CDK14: variants seen among roughly 807,000 people sequenced by gnomAD.
CDK14 encodes the protein cyclin dependent kinase 14, also known as cyclin-dependent kinase 14.
CDK14 carries 34 observed loss-of-function variants against 60.7 expected under a neutral mutation model. The ratio of observed to expected loss-of-function variants is 0.56; its 90% CI spans 0.43 to 0.75. The LOEUF is 0.75. CDK14 is among the 30% of genes least tolerant of loss of function. The probability of loss-of-function intolerance (pLI) is 0.00; values close to 1 mark genes in which losing one functional copy is unlikely to be tolerated. For synonymous variants in CDK14, 197 were observed against 203.7 expected (o/e 0.97, Z 0.28); for missense variants, 482 against 564.1 (o/e 0.85, Z 1.47).
chr7:90,730,187 A>G (rs1240092047), intron 3 of CDK14, among the ~76,000 whole-genome samples: 5 of 152,100 alleles, frequency 3.3e-5, no homozygotes, highest in African/African-American at 1.2e-4. Context: ...ACATGAACTC[A>G]TCCTTTTTTA....
At chr7:91,060,228 CT>C (rs373760085) in intron 11 of CDK14, among the ~76,000 whole-genome samples, 194 of 141,852 alleles carry the variant, frequency 1.4e-3, no homozygotes, top group South Asian at 4.5e-3. Context: ...CAACCCCTGC[CT>C]TTTTTTTTTT....
At chr7:90,733,941 T>A (rs754214152) in intron 3 of CDK14, among the ~76,000 whole-genome samples, 1 of 152,240 alleles carries the variant, frequency 6.6e-6, no homozygotes, top group African/African-American at 2.4e-5. Flanking sequence ...TTACTGTGGC[T>A]GGTACTGGTT....
At chr7:90,793,275 C>A (rs1805907958) in intron 5 of CDK14, among the ~76,000 whole-genome samples, 1 of 152,136 alleles carries the variant, frequency 6.6e-6, no homozygotes, top group African/African-American at 2.4e-5. Context: ...ACCTGCCTTG[C>A]AGGTGGGAGG....
At chr7:91,157,547 G>A (rs1248234379) in intron 14 of CDK14, among the ~76,000 whole-genome samples, 2 of 152,182 alleles carry the variant, frequency 1.3e-5, no homozygotes, top group African/African-American at 2.4e-5. Context: ...TTGTAGCATG[G>A]CCATTAGGAG....
At chr7:90,649,360 C>T (rs1260895567) in intron 2 of CDK14, among the ~76,000 whole-genome samples, 3 of 36,906 alleles carry the variant, frequency 8.1e-5, no homozygotes, top group African/African-American at 5.2e-4. Flanking sequence ...TTCCTTCCTT[C>T]CTTCCTTTCC....
At chr7:90,859,720 GAATAACACA>G (rs1790942641) in intron 5 of CDK14, among the ~76,000 whole-genome samples, 1 of 151,886 alleles carries the variant, frequency 6.6e-6, no homozygotes, top group Non-Finnish European at 1.5e-5. Flanking sequence ...AATGAACTTG[GAATAACACA>G]TCATTACCCA....
At chr7:90,668,362 A>G (rs1584781430) in intron 2 of CDK14, among the ~76,000 whole-genome samples, 1 of 152,030 alleles carries the variant, frequency 6.6e-6, no homozygotes, top group Non-Finnish European at 1.5e-5. Flanking sequence ...TAAGTAGGTT[A>G]TTTGTCTTTT....
At chr7:90,606,264 C>T (rs905616213) in intron 2 of CDK14, among the ~76,000 whole-genome samples, 20 of 152,090 alleles carry the variant, frequency 1.3e-4, no homozygotes, top group Non-Finnish European at 2.2e-4. Context: ...GAAGGCATGC[C>T]GGGGTATAAT....
chr7:91,068,767 AG>A (rs1214869683), intron 11 of CDK14, among the ~76,000 whole-genome samples: 1 of 133,928 alleles, frequency 7.5e-6, no homozygotes, highest in Non-Finnish European at 1.6e-5. Flanking sequence ...TGCCTTCTGT[AG>A]TGTACTTTCC....
intron 11 of CDK14, among the ~76,000 whole-genome samples, chr7:91,064,702 G>T (rs1290296072): frequency 6.6e-6 from 1 of 152,126 alleles, no homozygotes; most frequent in Non-Finnish European, 1.5e-5. Flanking sequence ...TAGGCCACTT[G>T]GTTGCTTGGG....
At chr7:91,110,233 A>G (rs1799432973) in intron 12 of CDK14, among the ~76,000 whole-genome samples, 1 of 152,168 alleles carries the variant, frequency 6.6e-6, no homozygotes, top group South Asian at 2.1e-4. Context: ...ATTTTATATA[A>G]CAAATATGTA....
chr7:90,709,308 T>A (rs1192006857), intron 2 of CDK14: 2 of 836,190 alleles, frequency 2.4e-6, no homozygotes, highest in Non-Finnish European at 3.4e-6. Context: ...TTCTATAGGA[T>A]CCCAGATTAT....
intron 2 of CDK14, among the ~76,000 whole-genome samples, chr7:90,722,501 A>G (rs550575346): frequency 6.6e-6 from 1 of 152,294 alleles, no homozygotes; most frequent in South Asian, 2.1e-4. Context: ...CACCATGCCC[A>G]GCTAAGTTGA....
intron 10 of CDK14, among the ~76,000 whole-genome samples, chr7:90,985,171 A>C (rs1456540047): frequency 6.6e-6 from 1 of 152,162 alleles, no homozygotes; most frequent in Admixed American, 6.5e-5. Flanking sequence ...AAACTATTCT[A>C]AAATTAAAAG....
intron 12 of CDK14, among the ~76,000 whole-genome samples, chr7:91,099,788 T>A (rs1160992790): frequency 1.3e-5 from 2 of 152,138 alleles, no homozygotes; most frequent in Non-Finnish European, 2.9e-5. Context: ...GAAGGTCTAG[T>A]GCTTATTATA....
intron 9 of CDK14, among the ~76,000 whole-genome samples, chr7:90,968,317 A>G: frequency 6.6e-6 from 1 of 152,214 alleles, no homozygotes; most frequent in East Asian, 1.9e-4. Context: ...CTAAACTTGA[A>G]CTCAACTAAA....
intron 6 of CDK14, among the ~76,000 whole-genome samples, chr7:90,868,624 C>G (rs987680550): frequency 1.3e-5 from 2 of 151,916 alleles, no homozygotes; most frequent in African/African-American, 4.8e-5. Context: ...TTGTATTTCA[C>G]ATGAAAACAA....
chr7:91,029,633 C>CTCTCCCCTCTCCCT (rs1193802216), intron 10 of CDK14, among the ~76,000 whole-genome samples: 1 of 150,662 alleles, frequency 6.6e-6, no homozygotes, highest in Admixed American at 6.6e-5. Context: ...CTCCTCTCCC[C>CTCTCCCCTCTCCCT]TCTCCCCTTC....
intron 11 of CDK14, among the ~76,000 whole-genome samples, chr7:91,047,586 A>G (rs1352949548): frequency 1.3e-5 from 2 of 152,230 alleles, no homozygotes; most frequent in Non-Finnish European, 2.9e-5. Flanking sequence ...TGGTGGGCAT[A>G]TACAAACTAG....
Sources: allele counts gnomAD v4.1 joint callset (sites outside exome capture counted in the v4.1 genomes callset), GRCh38; gene constraint gnomAD v4.1.1; transcripts MANE v1.5; gene names NCBI Gene and HGNC (gene_info 2026-07-23, HGNC 2026-07-21).